The following ENPP2 variants were observed in gnomAD, a reference collection of about 807,000 sequenced individuals.
The protein encoded by ENPP2 is autotaxin.
In ENPP2, 51 loss-of-function variants were observed where a neutral mutation model predicts 120.2. The ratio of observed to expected loss-of-function variants is 0.42; its 90% confidence interval spans 0.34 to 0.54. The LOEUF (loss-of-function observed/expected upper bound fraction) is 0.54. ENPP2 is among the 20% of genes least tolerant of loss of function. The pLI is 0.04. For synonymous variants in ENPP2, 365 were observed against 366.4 expected (o/e 1.00, Z 0.04); for missense variants, 920 against 1,066.5 (o/e 0.86, Z 1.91).
chr8:119,594,372 A>C (rs1450153883), intron 11 of ENPP2, among the ~76,000 whole-genome samples: 1 of 152,218 alleles, frequency 6.6e-6, no homozygotes, highest in Non-Finnish European at 1.5e-5. Flanking sequence ...AACTGTTGGC[A>C]TCTGAAAGCA....
intron 9 of ENPP2, among the ~76,000 whole-genome samples, chr8:119,606,651 T>C (rs1814739987): frequency 6.6e-6 from 1 of 151,878 alleles, no homozygotes; most frequent in Non-Finnish European, 1.5e-5. Flanking sequence ...AGGGACAGTG[T>C]GTGCTAGATT....
At position 119,587,044 on chromosome 8, in the gene ENPP2, C is replaced by T. The variant is rs769869346; in HGVS notation, c.1239G>A (p.Thr413=). The stretch of plus-strand genomic sequence containing the variant: ...AGGCGGGACAACTGGAAACACTTAC[C>T]GTGAGATTGGCAATAATGGCTTTGG... ...YDPKAIIANL[T]CKKPDQHFKP... Residue 413 remains threonine, a splice_region_variant and synonymous_variant, in exon 14 of 25, where the codon ACG becomes ACA. Coordinates refer to ENST00000075322, the MANE Select transcript of ENPP2 (RefSeq NM_001040092.3). 2.5e-5 allele frequency: 40 copies of T among 1,608,396 alleles called. No homozygotes were observed. In the Middle Eastern group the frequency reaches 4.9e-4, roughly 20 times the overall value.
At chr8:119,592,371 G>T (rs1179097858) in intron 12 of ENPP2, among the ~76,000 whole-genome samples, 3 of 151,296 alleles carry the variant, frequency 2.0e-5, no homozygotes, top group Non-Finnish European at 4.4e-5. Context: ...TACTCAGGAG[G>T]CTGAGGCAGG....
At position 119,638,772 on chromosome 8, in the gene ENPP2, C is replaced by G. The variant is rs761158154; in HGVS notation, c.9G>C (p.Arg3Ser). Residue 3 changes from arginine (R) to serine (S), a missense_variant, in exon 1 of 25, where the codon AGG (arginine) becomes AGC (serine). Transcript: ENST00000075322. The part of the protein sequence containing the change: MA[R>S]RSSFQSCQII... Reference sequence around the variant, plus strand: ...CCTGACACGACTGGAACGAGCTCCTCCTTGCCATGTCGAGGATTCTTGGAA... The same window carrying G: ...CCTGACACGACTGGAACGAGCTCCTGCTTGCCATGTCGAGGATTCTTGGAA... 2 of 1,611,554 alleles carry G rather than the reference C, an allele frequency of 1.2e-6. No individual in the cohort carries two copies. Among genetic ancestry groups the G allele is most frequent in the South Asian group, 2.2e-5 (2 of 91,044 alleles).
intron 1 of ENPP2, among the ~76,000 whole-genome samples, chr8:119,649,368 C>T (rs544772127): frequency 2.2e-4 from 32 of 148,458 alleles, no homozygotes; most frequent in Non-Finnish European, 4.4e-4. Flanking sequence ...TGCCAATGCA[C>T]TCCAGCCTGG....
At chr8:119,568,710 C>T (rs1449600527) in intron 21 of ENPP2, among the ~76,000 whole-genome samples, 2 of 152,142 alleles carry the variant, frequency 1.3e-5, no homozygotes, top group African/African-American at 4.8e-5. Flanking sequence ...AAGGGATCCT[C>T]CCACCTCAGC....
chr8:119,659,772 A>G (rs1444112846), intron 1 of ENPP2, among the ~76,000 whole-genome samples: 1 of 152,254 alleles, frequency 6.6e-6, no homozygotes, highest in Non-Finnish European at 1.5e-5. Context: ...CTTTTGCCTA[A>G]GGATCAAATT....
chr8:119,607,770 A>T, intron 9 of ENPP2, 152 bp downstream of exon 9: 1 of 588,702 alleles, frequency 1.7e-6, no homozygotes, highest in Non-Finnish European at 2.9e-6. Context: ...ATCTCAGGAA[A>T]AAAACACCTG....
intron 4 of ENPP2, 59 bp from the exon 5 acceptor site, chr8:119,619,363 A>G (rs1815719164): frequency 8.8e-7 from 1 of 1,133,856 alleles, no homozygotes; most frequent in Non-Finnish European, 1.3e-6. Flanking sequence ...CATGCCTTGA[A>G]GCTCACAATT....
At chr8:119,632,154 T>C (rs1411360754) in intron 2 of ENPP2, among the ~76,000 whole-genome samples, 1 of 152,226 alleles carries the variant, frequency 6.6e-6, no homozygotes. Flanking sequence ...TTCCTTTACT[T>C]GACCTAAATC....
intron 5 of ENPP2, chr8:119,618,299 G>T: frequency 2.0e-6 from 1 of 495,602 alleles, no homozygotes; most frequent in South Asian, 1.5e-5. Context: ...CTCTCCCCAG[G>T]AGATGCTTTT....
intron 1 of ENPP2, among the ~76,000 whole-genome samples, chr8:119,645,729 C>T (rs999764467): frequency 6.6e-6 from 1 of 150,956 alleles, no homozygotes; most frequent in African/African-American, 2.4e-5. Context: ...GCAGGAGAAT[C>T]GCTTGAACCC....
rs146606740 is a variant in ENPP2, at chr8:119,583,915, G to A, written c.1455+47C>T. 41 of 1,495,258 alleles carry A rather than the reference G, an allele frequency of 2.7e-5. No homozygotes were observed. In the East Asian group the frequency reaches 3.2e-4, roughly 12 times the overall value. 92.6% of individuals were successfully genotyped at this position (1,495,258 alleles called of 1,614,324 possible). A position where few individuals can be genotyped will look rare whatever the true frequency, so the allele number is the denominator to read the frequency against. ...TCACACCACCATTACTTATCCTTTC[G>A]AAGAACCACTAAAACACAATTTCAA... is the stretch of plus-strand genomic sequence containing the variant. On this transcript the variant is annotated intron_variant, in intron 16 of 24. Transcript: ENST00000075322.
rs547031566 is a variant in ENPP2, at chr8:119,665,401, C to A, written c.21+7851G>T. Among the ~76,000 whole-genome samples, 3 of 152,332 alleles carry A rather than the reference C, an allele frequency of 2.0e-5. No individual in the cohort carries two copies. In the South Asian group the frequency reaches 6.2e-4, roughly 32 times the overall value. ...TTTACTTTGGAATAAGGTTTCAAGT[C>A]TGTGGCCTCATACCTTCTCCAAACA... On this transcript the variant is annotated intron_variant, in intron 1 of 25. Transcript: ENST00000427067.
At chr8:119,610,911 A>AT (rs1417026551) in intron 8 of ENPP2, among the ~76,000 whole-genome samples, 1 of 151,898 alleles carries the variant, frequency 6.6e-6, no homozygotes, top group African/African-American at 2.4e-5. Context: ...TTTAAAAAAA[A>AT]AAAAAAAAAT....
chr8:119,579,930 C>T (rs2130273419), intron 19 of ENPP2, among the ~76,000 whole-genome samples, 186 bp downstream of exon 19: 1 of 152,250 alleles, frequency 6.6e-6, no homozygotes, highest in East Asian at 1.9e-4. Flanking sequence ...TTTTTTATTA[C>T]ACAGCTGGCA....
chr8:119,613,051 CT>C (rs1563733118), intron 8 of ENPP2, among the ~76,000 whole-genome samples: 1 of 152,168 alleles, frequency 6.6e-6, no homozygotes, highest in African/African-American at 2.4e-5. Flanking sequence ...CCATTCATTC[CT>C]CCCATTGCTG....
rs190444972 is a variant in ENPP2 at position 119,621,722 on chromosome 8, C to A, written c.293-203G>T. Among the ~76,000 whole-genome samples, 43 of 152,250 alleles carry A rather than the reference C, an allele frequency of 2.8e-4. 1 individual carries two copies. The highest frequency in any genetic ancestry group is 2.4e-3 in the Admixed American group (37 of 15,298). On this transcript the variant is annotated intron_variant, in intron 3 of 24. Transcript: ENST00000075322. ...ATTTCTAAGTTTTCAAATCAGAGAACAACATCAAAATGCAATTGGGTTCCT... is the reference window on the plus strand; with the variant it reads ...ATTTCTAAGTTTTCAAATCAGAGAAAAACATCAAAATGCAATTGGGTTCCT...
At position 119,617,532 on chromosome 8, in the gene ENPP2, C is replaced by A; in HGVS notation, c.511G>T (p.Val171Leu). The A allele has an allele frequency of 6.2e-7, 1 of 1,613,510 alleles. No homozygotes were observed. The highest frequency in any genetic ancestry group is 8.5e-7 in the Non-Finnish European group (1 of 1,179,654). ...ATGTATGATGCACGGAAGCCATCCA[C>A]GGAGAAGATGATTAATGGAGGGCGA... ...FVRPPLIIFS[V>L]DGFRASYMKK... Residue 171 changes from valine (V) to leucine (L), a missense_variant, in exon 6 of 25, where the codon GTG becomes TTG. Val to Leu is a conservative substitution (Grantham distance 32). Coordinates refer to ENST00000075322, the MANE Select transcript of ENPP2 (RefSeq NM_001040092.3).
Sources: allele counts gnomAD v4.1 joint callset (sites outside exome capture counted in the v4.1 genomes callset), GRCh38; gene constraint gnomAD v4.1.1; transcripts MANE v1.5; gene names NCBI Gene and HGNC (gene_info 2026-07-23, HGNC 2026-07-21).